PCDH15: variants seen among roughly 807,000 people sequenced by gnomAD.
PCDH15 encodes the protein protocadherin-15.
In PCDH15, 129 loss-of-function variants were observed where a neutral mutation model predicts 178.5. The ratio of observed to expected loss-of-function variants is 0.72; its 90% CI spans 0.63 to 0.84. PCDH15 has a LOEUF of 0.84. Among genes scored for constraint, PCDH15 ranks in the 40% least tolerant of loss-of-function variants. The pLI, the probability that PCDH15 is intolerant of heterozygous loss-of-function variation, is 0.00. For missense variants in PCDH15, 2,230 were observed against 2,099.9 expected (o/e 1.06, Z -1.21); for synonymous variants, 800 against 732.0 (o/e 1.09, Z -1.50).
intron 1 of PCDH15, among the ~76,000 whole-genome samples, chr10:55,255,215 T>C (rs927074846): frequency 8.5e-6 from 1 of 117,534 alleles, no homozygotes; most frequent in Non-Finnish European, 1.8e-5. Context: ...TGGTTTTTTG[T>C]CCTTGTGATA....
chr10:54,264,747 A>G (rs2057558055), intron 8 of PCDH15, among the ~76,000 whole-genome samples: 1 of 152,188 alleles, frequency 6.6e-6, no homozygotes, highest in African/African-American at 2.4e-5. Flanking sequence ...AAAGCCTTCA[A>G]GAAATATGGG....
intron 15 of PCDH15, among the ~76,000 whole-genome samples, chr10:54,130,167 G>A (rs962376359): frequency 4.6e-5 from 7 of 152,156 alleles, no homozygotes; most frequent in Non-Finnish European, 1.0e-4. Context: ...AACATACTCT[G>A]TTGATGTAAA....
chr10:54,851,409 G>A (rs527646846), intron 3 of PCDH15, among the ~76,000 whole-genome samples: 14 of 152,194 alleles, frequency 9.2e-5, no homozygotes, highest in African/African-American at 2.6e-4. Context: ...TAAATATGGT[G>A]TTTGAGATAT....
rs562580479 is a variant in PCDH15, at chr10:53,972,073, C to G, written c.2869-10181G>C. 7.9e-5 allele frequency among the ~76,000 whole-genome samples: 12 copies of G among 152,282 alleles called. No individual in the cohort carries two copies. The South Asian group carries it at 1.2e-3, about 16-fold the overall frequency. On this transcript the variant is annotated intron_variant, in intron 21 of 37. Transcript: ENST00000644397. Reference sequence around the variant, plus strand: ...TACAGTAACCAAAAACAGCATGATACTGGTACCAAAACAGAGATATAGGCC... The same window carrying G: ...TACAGTAACCAAAAACAGCATGATAGTGGTACCAAAACAGAGATATAGGCC...
intron 6 of PCDH15, 141 bp from the exon 7 acceptor site, chr10:54,329,847 A>G: frequency 1.4e-6 from 1 of 690,186 alleles, no homozygotes; most frequent in Non-Finnish European, 2.6e-6. Flanking sequence ...CTTCAGAGTC[A>G]ATATTGTTAT....
intron 5 of PCDH15, among the ~76,000 whole-genome samples, chr10:54,360,040 C>A (rs932888717): frequency 2.0e-5 from 3 of 152,024 alleles, no homozygotes; most frequent in Admixed American, 6.6e-5. Context: ...TTTATGTTTT[C>A]GTCTGAATAA....
chr10:55,141,735 T>G (rs1838358274), intron 2 of PCDH15, among the ~76,000 whole-genome samples: 1 of 152,024 alleles, frequency 6.6e-6, no homozygotes, highest in Admixed American at 6.6e-5. Context: ...TGTTCAACAT[T>G]AAAGGAAAAG....
At chr10:55,485,111 G>A (rs78144335) in intron 2 of PCDH15, among the ~76,000 whole-genome samples, 3,296 of 151,744 alleles carry the variant, frequency 0.022, 129 homozygotes, top group African/African-American at 0.075. Flanking sequence ...TTAAAGAATG[G>A]GAGAAAATGT....
At chr10:54,723,371 A>G (rs1032011588) in intron 1 of PCDH15, among the ~76,000 whole-genome samples, 6 of 151,786 alleles carry the variant, frequency 4.0e-5, no homozygotes, top group South Asian at 2.1e-4. Context: ...CTGGAACCAT[A>G]TCTCTCACTG....
chr10:54,774,051 C>T (rs183587110), intron 1 of PCDH15, among the ~76,000 whole-genome samples: 859 of 78,946 alleles, frequency 0.011, 14 homozygotes, highest in African/African-American at 0.036. Context: ...TTTTTTGAGA[C>T]GGAGTCTCGC....
At chr10:55,041,860 A>G (rs1840870119) in intron 2 of PCDH15, among the ~76,000 whole-genome samples, 1 of 152,106 alleles carries the variant, frequency 6.6e-6, no homozygotes, top group Admixed American at 6.6e-5. Context: ...ATAGAAACTG[A>G]GCAGATAGTG....
At position 55,550,974 on chromosome 10, in the gene PCDH15, A is replaced by G. The variant is rs912907083; in HGVS notation, c.-156+76651T>C. ...AATTCTATTCTGTTTTCCCTAGAGG[A>G]GTACGTTAAATTATAATGTCTAGGC... On this transcript the variant is annotated intron_variant, in intron 2 of 5. Coordinates refer to the PCDH15 transcript ENST00000613346. Among the ~76,000 whole-genome samples, 7 of 152,182 alleles carry G rather than the reference A, an allele frequency of 4.6e-5. No individual in the cohort carries two copies. The South Asian group carries it at 6.2e-4, about 14-fold the overall frequency.
At chr10:55,555,536 C>A (rs1236707556) in intron 2 of PCDH15, among the ~76,000 whole-genome samples, 1 of 152,092 alleles carries the variant, frequency 6.6e-6, no homozygotes, top group Admixed American at 6.6e-5. Flanking sequence ...TTATTATTCT[C>A]TAGAGATGCC....
intron 2 of PCDH15, among the ~76,000 whole-genome samples, chr10:55,381,763 A>G (rs1837538302): frequency 6.6e-6 from 1 of 152,146 alleles, no homozygotes; most frequent in South Asian, 2.1e-4. Flanking sequence ...GCCAAAAAGA[A>G]TTTTAAAAGT....
chr10:54,034,648 T>C (rs565238156), intron 18 of PCDH15, among the ~76,000 whole-genome samples: 6 of 142,304 alleles, frequency 4.2e-5, no homozygotes, highest in Non-Finnish European at 6.3e-5. Context: ...ATGTACACAA[T>C]GTGAAACTGC....
chr10:54,628,535 T>C (rs1461377470), intron 2 of PCDH15, among the ~76,000 whole-genome samples: 3 of 152,154 alleles, frequency 2.0e-5, no homozygotes, highest in Non-Finnish European at 2.9e-5. Context: ...ACGTGGGAAA[T>C]AATGTTACTG....
intron 1 of PCDH15, among the ~76,000 whole-genome samples, chr10:55,208,847 A>G (rs544636207): frequency 2.0e-5 from 3 of 152,192 alleles, no homozygotes; most frequent in African/African-American, 4.8e-5. Flanking sequence ...TATACCATGC[A>G]CTATTTTAGG....
At chr10:54,087,381 AGAAAT>A (rs2094531555) in intron 16 of PCDH15, among the ~76,000 whole-genome samples, 1 of 152,196 alleles carries the variant, frequency 6.6e-6, no homozygotes, top group Non-Finnish European at 1.5e-5. Flanking sequence ...AAAATTTTAT[AGAAAT>A]GAAATAATAT....
intron 2 of PCDH15, among the ~76,000 whole-genome samples, chr10:54,560,559 G>A (rs971406328): frequency 2.6e-5 from 4 of 151,912 alleles, no homozygotes; most frequent in Non-Finnish European, 4.4e-5. Flanking sequence ...AAAAAATATA[G>A]ATACACACTT....
Sources: gnomAD v4.1 joint callset for allele counts (sites outside exome capture counted in the v4.1 genomes callset) on GRCh38, gnomAD v4.1.1 for gene constraint, MANE v1.5 for transcripts, NCBI Gene and HGNC (gene_info 2026-07-23, HGNC 2026-07-21) for gene names.